The following IMMP2L variants were observed in gnomAD, a reference collection of about 807,000 sequenced individuals.
IMMP2L encodes the protein inner mitochondrial membrane peptidase subunit 2, also known as mitochondrial inner membrane protease subunit 2.
Under a neutral mutation model 19.3 loss-of-function variants are expected in IMMP2L, and 18 were observed. That is an observed-to-expected ratio of 0.93 (90% CI 0.64 to 1.38). IMMP2L has a LOEUF of 1.38. Ranked by LOEUF, IMMP2L falls within the 40% of genes most tolerant of loss-of-function variation. IMMP2L has a pLI of 0.00. For missense variants in IMMP2L, 233 were observed against 218.2 expected (o/e 1.07, Z -0.43); for synonymous variants, 76 against 73.0 (o/e 1.04, Z -0.21).
At chr7:111,231,547 T>TTTTTTTTCCCCTGG (rs1586942961) in intron 3 of IMMP2L, among the ~76,000 whole-genome samples, 1 of 151,910 alleles carries the variant, frequency 6.6e-6, no homozygotes, top group East Asian at 1.9e-4. Flanking sequence ...TGCTGCCTGG[T>TTTTTTTTCCCCTGG]TTTTTTTCCC....
At chr7:111,475,147 T>C (rs1279607587) in intron 3 of IMMP2L, among the ~76,000 whole-genome samples, 2 of 152,184 alleles carry the variant, frequency 1.3e-5, no homozygotes, top group Non-Finnish European at 2.9e-5. Context: ...CATCAGTAAG[T>C]ATTAATGTAA....
intron 3 of IMMP2L, among the ~76,000 whole-genome samples, chr7:111,033,233 A>T (rs2129569278): frequency 6.6e-6 from 1 of 152,358 alleles, no homozygotes; most frequent in East Asian, 1.9e-4. Flanking sequence ...AATGTTCAAT[A>T]TCATATGTCA....
At chr7:111,268,569 C>CTCTTTTTTTTTTTTTTT (rs1818083564) in intron 3 of IMMP2L, among the ~76,000 whole-genome samples, 4 of 44,562 alleles carry the variant, frequency 9.0e-5, no homozygotes, top group African/African-American at 4.1e-4. Flanking sequence ...TCACATTTCT[C>CTCTTTTTTTTTTTTTTT]TTTTTTTTTT....
intron 4 of IMMP2L, among the ~76,000 whole-genome samples, chr7:110,948,022 C>T (rs1817427266): frequency 1.2e-5 from 1 of 85,272 alleles, no homozygotes; most frequent in South Asian, 2.6e-4. Flanking sequence ...CAACTGTCAG[C>T]CCCCTAAATA....
intron 3 of IMMP2L, among the ~76,000 whole-genome samples, chr7:111,303,281 G>T (rs1822466000): frequency 1.3e-5 from 2 of 152,012 alleles, no homozygotes; most frequent in African/African-American, 4.8e-5. Context: ...CAACTAGTAA[G>T]TATTAGCAAT....
In IMMP2L at chr7:111,123,441, C is replaced by T; in HGVS notation, c.240-159876G>A. The T allele has an allele frequency of 6.2e-7, 1 of 1,613,472 alleles. No homozygotes were observed. The highest frequency in any genetic ancestry group is 8.5e-7 in the Non-Finnish European group (1 of 1,179,828). On this transcript the variant is annotated intron_variant, in intron 3 of 5. Transcript: ENST00000405709. The surrounding 1 kb of genome is among the most constrained non-coding windows in gnomAD (Gnocchi z 6.4). ...GCAGCCTGGTTATAGCTGGTATAAA[C>T]CTCACAGAAATACCAGATAACGCCT...
intron 5 of IMMP2L, among the ~76,000 whole-genome samples, chr7:110,836,408 A>G (rs1804477429): frequency 6.6e-6 from 1 of 152,144 alleles, no homozygotes; most frequent in East Asian, 1.9e-4. Flanking sequence ...TGATAGAGGT[A>G]GGTCTTTCCT....
At chr7:111,014,379 A>G (rs569405200) in intron 3 of IMMP2L, among the ~76,000 whole-genome samples, 67 of 151,854 alleles carry the variant, frequency 4.4e-4, no homozygotes, top group South Asian at 1.0e-3. Context: ...TTGTGTGTGT[A>G]TATATATATA....
At chr7:110,842,096 T>C (rs1170948945) in intron 5 of IMMP2L, among the ~76,000 whole-genome samples, 1 of 152,124 alleles carries the variant, frequency 6.6e-6, no homozygotes, top group Middle Eastern at 3.2e-3. Flanking sequence ...CCCAAAAGGA[T>C]TACAATTTAG....
intron 3 of IMMP2L, among the ~76,000 whole-genome samples, chr7:110,996,443 G>A (rs1043744282): frequency 3.3e-5 from 5 of 152,074 alleles, no homozygotes; most frequent in African/African-American, 9.7e-5. Context: ...AACAGCACAA[G>A]CCATCATTCC....
intron 3 of IMMP2L, among the ~76,000 whole-genome samples, chr7:111,032,282 T>C (rs189404555): frequency 1.1e-4 from 16 of 152,124 alleles, no homozygotes; most frequent in African/African-American, 3.4e-4. Context: ...AGCAGATCAA[T>C]AGAATAGAAT....
chr7:111,296,940 G>T (rs755724199), intron 3 of IMMP2L, among the ~76,000 whole-genome samples: 2 of 151,912 alleles, frequency 1.3e-5, no homozygotes, highest in Non-Finnish European at 2.9e-5. Context: ...ACTTCAAAAG[G>T]TTATATTCTA....
intron 3 of IMMP2L, among the ~76,000 whole-genome samples, chr7:111,482,283 T>C (rs1349546129): frequency 6.6e-6 from 1 of 152,152 alleles, no homozygotes; most frequent in Non-Finnish European, 1.5e-5. Context: ...TAAAAATTAC[T>C]ATCTCCAGAT....
intron 3 of IMMP2L, among the ~76,000 whole-genome samples, chr7:111,049,424 C>T (rs1027536977): frequency 6.6e-6 from 1 of 152,040 alleles, no homozygotes; most frequent in Admixed American, 6.6e-5. Context: ...AGCCACCGCG[C>T]CCGGCCGATT....
At chr7:110,839,946 T>A (rs1050861910) in intron 5 of IMMP2L, among the ~76,000 whole-genome samples, 8 of 152,152 alleles carry the variant, frequency 5.3e-5, no homozygotes, top group African/African-American at 1.9e-4. Flanking sequence ...TCCTTCTCAG[T>A]GCTCCTGGAT....
chr7:111,429,381 C>T (rs1836407146), intron 3 of IMMP2L, among the ~76,000 whole-genome samples: 1 of 151,850 alleles, frequency 6.6e-6, no homozygotes, highest in African/African-American at 2.4e-5. Flanking sequence ...AGAGGCAAGG[C>T]CTGAGTGAAA....
At chr7:111,241,154 T>C (rs1299962738) in intron 3 of IMMP2L, among the ~76,000 whole-genome samples, 2 of 151,978 alleles carry the variant, frequency 1.3e-5, no homozygotes, top group Non-Finnish European at 2.9e-5. Flanking sequence ...TTCAAAAAAC[T>C]ATTAATTTAA....
intron 5 of IMMP2L, among the ~76,000 whole-genome samples, chr7:110,670,406 G>C (rs554457995): frequency 3.4e-4 from 52 of 152,162 alleles, no homozygotes; most frequent in African/African-American, 1.2e-3. Context: ...AAAACGCTAC[G>C]CAGCCGGGTG....
intron 3 of IMMP2L, among the ~76,000 whole-genome samples, chr7:110,981,957 G>A (rs1441568136): frequency 6.6e-6 from 1 of 152,154 alleles, no homozygotes; most frequent in Non-Finnish European, 1.5e-5. Flanking sequence ...TTCTTGGAAA[G>A]AGGAATAAGA....
Sources: allele counts gnomAD v4.1 joint callset (sites outside exome capture counted in the v4.1 genomes callset), GRCh38; gene constraint gnomAD v4.1.1; non-coding constraint Gnocchi (gnomAD v3.1); transcripts MANE v1.5; gene names NCBI Gene and HGNC (gene_info 2026-07-23, HGNC 2026-07-21).